The following PCLO variants were observed in gnomAD, a reference collection of about 807,000 sequenced individuals.
The protein encoded by PCLO is protein piccolo.
In PCLO, 82 loss-of-function variants were observed where a neutral mutation model predicts 427.5. The observed-to-expected ratio is 0.19, with a 90% CI of 0.16 to 0.23. PCLO has a LOEUF of 0.23. PCLO is among the 10% of genes least tolerant of loss of function. PCLO has a pLI of 1.00. For synonymous variants in PCLO, 2,357 were observed against 2,155.4 expected, an observed-to-expected ratio of 1.09 and a Z score of -2.59; for missense variants, 6,239 against 6,115.9, an observed-to-expected ratio of 1.02 and a Z score of -0.67.
At chr7:83,071,280 G>A (rs1248739310) in intron 3 of PCLO, among the ~76,000 whole-genome samples, 6 of 151,976 alleles carry the variant, frequency 3.9e-5, no homozygotes, top group Admixed American at 3.9e-4. Context: ...GTGTTTTCTA[G>A]ATATTTCATG....
chr7:82,860,766 T>C (rs1030596756), intron 10 of PCLO, among the ~76,000 whole-genome samples: 3 of 151,968 alleles, frequency 2.0e-5, no homozygotes, highest in Non-Finnish European at 4.4e-5. Context: ...TTTCAAGACA[T>C]AGCATAATAA....
chr7:83,070,644 C>T (rs1467157276), intron 3 of PCLO, among the ~76,000 whole-genome samples: 1 of 152,214 alleles, frequency 6.6e-6, no homozygotes, highest in Non-Finnish European at 1.5e-5. Context: ...GCCTCGGCCT[C>T]CCAGAGTGCT....
intron 10 of PCLO, among the ~76,000 whole-genome samples, chr7:82,876,551 C>A (rs1793378395): frequency 6.6e-6 from 1 of 151,658 alleles, no homozygotes. Context: ...TGTGAATACC[C>A]ATTTGAACTT....
chr7:82,815,477 T>C (rs2115598086), intron 20 of PCLO, among the ~76,000 whole-genome samples: 1 of 152,238 alleles, frequency 6.6e-6, no homozygotes, highest in East Asian at 1.9e-4. Flanking sequence ...ATATGTTTTC[T>C]ATATTTCTCT....
intron 6 of PCLO, among the ~76,000 whole-genome samples, chr7:82,926,764 C>T (rs1487398016): frequency 6.6e-6 from 1 of 152,130 alleles, no homozygotes; most frequent in Non-Finnish European, 1.5e-5. Flanking sequence ...TCTGGAAAGT[C>T]CCAAAGAGAT....
chr7:83,111,347 A>G (rs909317945), intron 3 of PCLO, among the ~76,000 whole-genome samples: 2 of 152,228 alleles, frequency 1.3e-5, no homozygotes, highest in African/African-American at 4.8e-5. Flanking sequence ...TTACTCCACA[A>G]TTAGGTTACT....
At position 82,955,613 on chromosome 7, in the gene PCLO, T is replaced by C; in HGVS notation, c.5340A>G (p.Arg1780=). ...IEDSSEEEEL[R]EEEELLKEQE... ...GCTCCTTTAATAATTCTTCTTCCTC[T>C]CTCAATTCTTCTTCCTCTGAAGAAT... The change falls in exon 5 of 25, where the codon AGA becomes AGG. Residue 1780 remains arginine (R), a synonymous_variant. Coordinates refer to ENST00000333891, the MANE Select transcript of PCLO (RefSeq NM_033026.6). The C allele has an allele frequency of 2.5e-6, 4 of 1,613,944 alleles. No individual in the cohort carries two copies. The highest frequency in any genetic ancestry group is 3.4e-6 in the Non-Finnish European group (4 of 1,179,842).
Position 82,953,673 on chromosome 7 carries a change from AGTGGTGGGGGAGGAGGGGGTG to A in PCLO, c.7259_7279del (p.Pro2420_Pro2426del). ...TGGTTTAGGTGAAGTTGGTGGAGGAAGTGGTGGGGGAGGAGGGGGTGGTGGTGGAGGAGGAGGAGGAGGGGG... is the reference window on the plus strand; with the variant it reads ...TGGTTTAGGTGAAGTTGGTGGAGGAAGTGGTGGAGGAGGAGGAGGAGGGGG... On this transcript the variant is annotated inframe_deletion, in exon 5 of 25. Transcript: ENST00000333891. 1.0e-6 allele frequency: 1 copy of A among 992,296 alleles called. No individual in the cohort carries two copies. The highest frequency in any genetic ancestry group is 1.3e-6 in the Non-Finnish European group (1 of 741,254). 61.5% of individuals were successfully genotyped at this position (992,296 alleles called of 1,614,324 possible).
intron 14 of PCLO, among the ~76,000 whole-genome samples, chr7:82,840,858 G>T (rs1792348877): frequency 6.6e-6 from 1 of 151,784 alleles, no homozygotes; most frequent in African/African-American, 2.4e-5. Flanking sequence ...CACCTAAGGT[G>T]CAGGTTTTAA....
intron 9 of PCLO, among the ~76,000 whole-genome samples, chr7:82,880,193 A>G (rs1793470953): frequency 6.6e-6 from 1 of 152,164 alleles, no homozygotes; most frequent in East Asian, 1.9e-4. Flanking sequence ...GCAAGTATAT[A>G]GAGCATGAAA....
intron 6 of PCLO, among the ~76,000 whole-genome samples, chr7:82,948,331 A>T (rs925718732): frequency 3.4e-4 from 51 of 152,074 alleles, no homozygotes; most frequent in African/African-American, 1.2e-3. Context: ...CTACTAGAAA[A>T]CTAGAAAACA....
chr7:82,953,367 A>G lies in PCLO; in HGVS notation c.7586T>C (p.Ile2529Thr), dbSNP rs952291407. Residue 2529 changes from isoleucine (I) to threonine (T), a missense_variant, in exon 5 of 25, where the codon ATA becomes ACA. Transcript: ENST00000333891. ...LPTTTQKPTD[I>T]HPKPTGLSLT... ...AGATAGGCCTGTTGGTTTGGGGTGTATATCTGTTGGTTTTTGTGTAGTTGT... is the reference window on the plus strand; with the variant it reads ...AGATAGGCCTGTTGGTTTGGGGTGTGTATCTGTTGGTTTTTGTGTAGTTGT... 4 of 1,613,654 alleles carry G rather than the reference A, an allele frequency of 2.5e-6. No homozygotes were observed. Among genetic ancestry groups the G allele is most frequent in the Non-Finnish European group, 2.5e-6 (3 of 1,179,832 alleles).
chr7:82,835,463 T>C (rs1278515053), intron 16 of PCLO, among the ~76,000 whole-genome samples: 1 of 152,204 alleles, frequency 6.6e-6, no homozygotes, highest in African/African-American at 2.4e-5. Context: ...TCTACTTTTC[T>C]GTGTTCTATT....
intron 3 of PCLO, among the ~76,000 whole-genome samples, chr7:83,093,930 C>T (rs1269742729): frequency 1.3e-5 from 2 of 150,678 alleles, no homozygotes; most frequent in African/African-American, 2.4e-5. Context: ...TATCTCTTAC[C>T]CATTTCCTCC....
At position 82,949,991 on chromosome 7, in the gene PCLO, T is replaced by C; in HGVS notation, c.10597A>G (p.Thr3533Ala). ...EISVQTEPVG[T>A]IRTPSIRARV... is the part of the protein sequence containing the mutation. ...GCCCGTATGGAGGGTGTTCTTATGG[T>C]TCCAACTGGTTCAGTTTGCACAGAT... The change falls in exon 6 of 25, where the codon ACC (threonine) becomes GCC (alanine). Residue 3533 changes from threonine (T) to alanine (A), a missense_variant. Transcript: ENST00000333891. 1 of 1,613,512 alleles carries C rather than the reference T, an allele frequency of 6.2e-7. No homozygotes were observed. Among genetic ancestry groups the C allele is most frequent in the South Asian group, 1.1e-5 (1 of 91,052 alleles).
chr7:82,970,205 T>C (rs1194382791), intron 3 of PCLO, among the ~76,000 whole-genome samples: 2 of 151,970 alleles, frequency 1.3e-5, no homozygotes, highest in African/African-American at 2.4e-5. Context: ...TGTAAGGTAA[T>C]GGAAGATAAA....
chr7:83,069,633 A>C (rs1180994538), intron 3 of PCLO, among the ~76,000 whole-genome samples: 2 of 152,192 alleles, frequency 1.3e-5, no homozygotes, highest in Non-Finnish European at 2.9e-5. Flanking sequence ...TTGTGCAGAG[A>C]AAGATAATGA....
In PCLO at chr7:82,982,911, G is replaced by T. The variant is rs563249659; in HGVS notation, c.3301-16424C>A. The stretch of plus-strand genomic sequence containing the variant: ...GATATAAAATGTTAATGAAATAATA[G>T]AATTTTAAATGTAATTTTATTTTAT... On this transcript the variant is annotated intron_variant, in intron 3 of 24. Transcript: ENST00000333891. Among the ~76,000 whole-genome samples the T allele has an allele frequency of 5.9e-5, 9 of 151,560 alleles. No homozygotes were observed. In the South Asian group the frequency reaches 1.9e-3, roughly 32 times the overall value.
chr7:83,077,318 T>C (rs954134666), intron 3 of PCLO, among the ~76,000 whole-genome samples: 1 of 152,100 alleles, frequency 6.6e-6, no homozygotes, highest in South Asian at 2.1e-4. Flanking sequence ...AAAGGGCTCG[T>C]TCTTAGTCAT....
Sources: gnomAD v4.1 joint callset for allele counts (sites outside exome capture counted in the v4.1 genomes callset) on GRCh38, gnomAD v4.1.1 for gene constraint, MANE v1.5 for transcripts, NCBI Gene and HGNC (gene_info 2026-07-23, HGNC 2026-07-21) for gene names.